The following ATAD2 variants were observed in gnomAD, a reference collection of about 807,000 sequenced individuals.
ATAD2 encodes ATPase family AAA domain-containing protein 2.
A neutral mutation model predicts 168.9 loss-of-function variants in ATAD2; 62 were observed. That is an observed-to-expected ratio of 0.37 (90% confidence interval 0.30 to 0.45). The LOEUF (loss-of-function observed/expected upper bound fraction) is 0.45, where lower values mean the gene tolerates loss of function less well. Ranked by LOEUF, ATAD2 falls within the 20% of genes least tolerant of loss-of-function variation. The pLI is 1.00. For missense variants in ATAD2, 1,419 were observed against 1,667.8 expected (o/e 0.85, Z 2.60); for synonymous variants, 613 against 571.6 (o/e 1.07, Z -1.03).
At chr8:123,390,391 C>T (rs1485047507) in intron 1 of ATAD2, among the ~76,000 whole-genome samples, 1 of 152,132 alleles carries the variant, frequency 6.6e-6, no homozygotes, top group Admixed American at 6.6e-5. Flanking sequence ...CACTGTCTCC[C>T]ACATAAAGCT....
rs1255042781 is a variant in ATAD2 at position 123,396,261 on chromosome 8, G to T, written c.97C>A (p.His33Asn). 3 of 1,610,500 alleles carry T rather than the reference G, an allele frequency of 1.9e-6. No individual in the cohort carries two copies. Among genetic ancestry groups the T allele is most frequent in the Admixed American group, 3.3e-5 (2 of 59,948 alleles). Reference sequence around the variant, plus strand: ...GAGCGGAGCCGCCTCCGGCCGATGTGCTCCAGACTGAGGAAGTCACTGGAC... The same window carrying T: ...GAGCGGAGCCGCCTCCGGCCGATGTTCTCCAGACTGAGGAAGTCACTGGAC... ...DLSSDFLSLE[H>N]IGRRRLRSAG... The change falls in exon 1 of 28, where the codon CAC becomes AAC. Residue 33 changes from histidine to asparagine, a missense_variant. By Grantham distance (68) the His-to-Asn change is moderately conservative. Transcript: ENST00000287394.
intron 2 of ATAD2, among the ~76,000 whole-genome samples, chr8:123,378,152 T>C (rs958655266): frequency 6.6e-6 from 1 of 152,172 alleles, no homozygotes. Context: ...ATCTCTGAAA[T>C]TGGAATGTGT....
chr8:123,370,045 C>T (rs1829105122), intron 6 of ATAD2, 21 bp from the exon 7 acceptor site: 24 of 1,592,900 alleles, frequency 1.5e-5, no homozygotes, highest in Non-Finnish European at 1.9e-5. Flanking sequence ...GAGATCCTTA[C>T]TTCCAGAAAG....
At chr8:123,389,266 G>A (rs1232197517) in intron 1 of ATAD2, among the ~76,000 whole-genome samples, 8 of 145,160 alleles carry the variant, frequency 5.5e-5, no homozygotes, top group South Asian at 2.3e-4. Flanking sequence ...GTGAGCCACC[G>A]TGCCCGGCCT....
chr8:123,351,941 G>C (rs1428669270), intron 13 of ATAD2, among the ~76,000 whole-genome samples: 1 of 151,976 alleles, frequency 6.6e-6, no homozygotes, highest in South Asian at 2.1e-4. Context: ...GTAGAGATGG[G>C]GTTTCACCGT....
chr8:123,369,721 A>T, intron 7 of ATAD2, 100 bp downstream of exon 7: 1 of 1,057,646 alleles, frequency 9.5e-7, no homozygotes. Context: ...ACAAAATGAA[A>T]ATATGAAAAA....
At chr8:123,394,136 C>T (rs1047158179) in intron 1 of ATAD2, among the ~76,000 whole-genome samples, 2 of 151,444 alleles carry the variant, frequency 1.3e-5, no homozygotes, top group African/African-American at 2.4e-5. Context: ...CTAAAACTGA[C>T]GATGGTCTTA....
At chr8:123,342,497 A>T (rs1190783931) in intron 19 of ATAD2, 3 of 152,052 alleles carry the variant, frequency 2.0e-5, no homozygotes, top group African/African-American at 7.2e-5. Flanking sequence ...AAAAAAAAAG[A>T]AAGAGAAATG....
intron 1 of ATAD2, among the ~76,000 whole-genome samples, chr8:123,408,396 G>A (rs1216551843): frequency 6.6e-6 from 1 of 152,208 alleles, no homozygotes; most frequent in Non-Finnish European, 1.5e-5. Context: ...CCTATCTGAG[G>A]CATTTATTTC....
chr8:123,402,332 G>A lies in ATAD2; in HGVS notation c.-2281-1157C>T, dbSNP rs1310725228. 1.3e-5 allele frequency among the ~76,000 whole-genome samples: 2 copies of A among 152,128 alleles called. No homozygotes were observed. The highest frequency in any genetic ancestry group is 4.8e-5 in the African/African-American group (2 of 41,448). ...GCCAGGCTGCCCTGGGAGGCCCCCA[G>A]AGCCCAGCCAGCTGGGCTTTCAGGC... On this transcript the variant is annotated intron_variant, in intron 1 of 28. Transcript: ENST00000521903. The surrounding 1 kb of genome is among the most constrained non-coding windows in gnomAD (Gnocchi z 4.8).
At chr8:123,362,511 A>C (rs920825788) in intron 8 of ATAD2, among the ~76,000 whole-genome samples, 2 of 150,788 alleles carry the variant, frequency 1.3e-5, no homozygotes, top group African/African-American at 4.9e-5. Flanking sequence ...CCTGGGTTCC[A>C]GTTGAGCAAT....
Position 123,347,101 on chromosome 8 carries a change from A to T in ATAD2, c.2203T>A (p.Leu735Ile), listed in dbSNP as rs1563842235. The change falls in exon 16 of 28, where the codon TTA (leucine) becomes ATA (isoleucine). Residue 735 changes from leucine to isoleucine, a missense_variant. Leu to Ile is a conservative substitution (Grantham distance 5, BLOSUM62 2). This residue lies in a region of ATAD2 where 545 missense variants were observed against 724.9 expected (regional missense o/e 0.75). Coordinates refer to ENST00000287394, the MANE Select transcript of ATAD2 (RefSeq NM_014109.4). ...CAATCAAGTTTTATACCTGAGTCTAATGTTTTATTTGTTCTGAATTCTGCA... is the reference window on the plus strand; with the variant it reads ...CAATCAAGTTTTATACCTGAGTCTATTGTTTTATTTGTTCTGAATTCTGCA... Reference protein sequence around the residue: ...PHAEFRTNKTLDSDISCPLLE... With the variant: ...PHAEFRTNKTIDSDISCPLLE... The T allele has an allele frequency of 6.2e-7, 1 of 1,608,248 alleles. No homozygotes were observed. Among genetic ancestry groups the T allele is most frequent in the Non-Finnish European group, 8.5e-7 (1 of 1,176,242 alleles).
chr8:123,334,125 G>A, intron 23 of ATAD2, 75 bp downstream of exon 23: 1 of 1,540,964 alleles, frequency 6.5e-7, no homozygotes, highest in Non-Finnish European at 8.7e-7. Context: ...CTTTTCAGAT[G>A]CTTCTGAAAT....
chr8:123,393,932 T>C (rs1812711563), intron 1 of ATAD2, among the ~76,000 whole-genome samples: 2 of 151,844 alleles, frequency 1.3e-5, no homozygotes, highest in South Asian at 4.2e-4. Context: ...AATAAATAAA[T>C]AAATAATCCA....
intron 9 of ATAD2, among the ~76,000 whole-genome samples, chr8:123,360,943 A>G (rs1281120039): frequency 3.9e-5 from 6 of 151,926 alleles, no homozygotes. Flanking sequence ...TAAGCAAAAA[A>G]AAAAAAAAAA....
Position 123,370,910 on chromosome 8 carries a change from G to A in ATAD2, c.720C>T (p.Gly240=), listed in dbSNP as rs1251902195. Residue 240 remains glycine (G), a synonymous_variant, in exon 6 of 28, where the codon GGC becomes GGT. Coordinates refer to ENST00000287394, the MANE Select transcript of ATAD2 (RefSeq NM_014109.4). ...ACAAGAGAAGAGACTAACCCACACT[G>A]CCTTCTTGATTATCAGTTGTTTCTT... ...TDEETTDNQE[G]SVESSEEGED... 6 of 1,602,022 alleles carry A rather than the reference G, an allele frequency of 3.7e-6. No individual in the cohort carries two copies. The highest frequency in any genetic ancestry group is 5.1e-6 in the Non-Finnish European group (6 of 1,173,778).
At chr8:123,368,189 G>A (rs532438240) in intron 8 of ATAD2, among the ~76,000 whole-genome samples, 40 of 152,268 alleles carry the variant, frequency 2.6e-4, no homozygotes, top group South Asian at 1.7e-3. Flanking sequence ...AAGCTGAGGC[G>A]AGTGGATCAC....
chr8:123,357,661 T>C lies in ATAD2; in HGVS notation c.1458A>G (p.Gln486=), dbSNP rs1368715391. The C allele has an allele frequency of 1.2e-6, 2 of 1,613,944 alleles. No homozygotes were observed. Among genetic ancestry groups the C allele is most frequent in the African/African-American group, 1.3e-5 (1 of 74,932 alleles). Residue 486 remains glutamine, a synonymous_variant, in exon 12 of 28, where the codon CAA becomes CAG. Coordinates refer to ENST00000287394, the MANE Select transcript of ATAD2 (RefSeq NM_014109.4). The part of the protein sequence containing the change: ...VARALANECS[Q]GDKRVAFFMR... ...TGAAAAATGCTACTCTTTTATCCCCTTGACTGCACTCATTGGCAAGTGCTC... is the reference window on the plus strand; with the variant it reads ...TGAAAAATGCTACTCTTTTATCCCCCTGACTGCACTCATTGGCAAGTGCTC...
At chr8:123,349,974 C>T (rs924803425) in intron 13 of ATAD2, among the ~76,000 whole-genome samples, 6 of 151,344 alleles carry the variant, frequency 4.0e-5, no homozygotes, top group African/African-American at 1.2e-4. Context: ...CAAGATTGCA[C>T]CACTGCATTC....
Sources: gnomAD v4.1 joint callset for allele counts (sites outside exome capture counted in the v4.1 genomes callset) on GRCh38, gnomAD v4.1.1 for gene constraint, gnomAD v4.1.1 regional missense constraint, Gnocchi (gnomAD v3.1) non-coding constraint, MANE v1.5 for transcripts, NCBI Gene and HGNC (gene_info 2026-07-23, HGNC 2026-07-21) for gene names.